Variants in CALD1 observed in about 807,000 individuals in gnomAD.
CALD1 encodes the protein caldesmon 1.
CALD1 carries 33 observed loss-of-function variants against 99.9 expected under a neutral mutation model. The ratio of observed to expected loss-of-function variants is 0.33; its 90% CI spans 0.25 to 0.44. The LOEUF (loss-of-function observed/expected upper bound fraction) is 0.44. Ranked by LOEUF, CALD1 falls within the 20% of genes least tolerant of loss-of-function variation. The probability of loss-of-function intolerance (pLI) is 1.00; values close to 1 mark genes in which losing one functional copy is unlikely to be tolerated. For synonymous variants in CALD1, 310 were observed against 325.0 expected, an observed-to-expected ratio of 0.95 and a Z score of 0.50; for missense variants, 861 against 962.1, an observed-to-expected ratio of 0.89 and a Z score of 1.39.
At chr7:134,789,546 C>G (rs891638752) in intron 1 of CALD1, among the ~76,000 whole-genome samples, 1 of 152,190 alleles carries the variant, frequency 6.6e-6, no homozygotes. Context: ...GTCACAACTA[C>G]TAGAAGTAAT....
chr7:134,798,683 A>C (rs2347898), intron 1 of CALD1, among the ~76,000 whole-genome samples: 12,023 of 152,326 alleles, frequency 0.079, 627 homozygotes, highest in Non-Finnish European at 0.11. Flanking sequence ...GAAATTATAA[A>C]GGAGATTGCT....
chr7:134,918,108 G>C (rs1804348977), intron 3 of CALD1, among the ~76,000 whole-genome samples: 1 of 152,216 alleles, frequency 6.6e-6, no homozygotes, highest in Non-Finnish European at 1.5e-5. Context: ...TTAGGAAACT[G>C]TCATGGACTT....
intron 1 of CALD1, among the ~76,000 whole-genome samples, chr7:134,767,310 A>C (rs1245387365): frequency 6.6e-6 from 1 of 152,036 alleles, no homozygotes; most frequent in Non-Finnish European, 1.5e-5. Flanking sequence ...CTTAGTCCAA[A>C]CAGCCATTTC....
intron 7 of CALD1, among the ~76,000 whole-genome samples, chr7:134,942,966 C>T (rs1258787024): frequency 6.6e-6 from 1 of 152,032 alleles, no homozygotes; most frequent in Non-Finnish European, 1.5e-5. Flanking sequence ...GTGCTAAGAA[C>T]ACTTACGTGT....
chr7:134,932,147 G>A (rs1805568143), intron 4 of CALD1, among the ~76,000 whole-genome samples: 1 of 152,140 alleles, frequency 6.6e-6, no homozygotes, highest in Admixed American at 6.5e-5. Flanking sequence ...GCAGTTATTG[G>A]TCACATGGCC....
chr7:134,756,332 T>C (rs1287016623), intron 1 of CALD1, among the ~76,000 whole-genome samples: 1 of 123,142 alleles, frequency 8.1e-6, no homozygotes, highest in Admixed American at 8.4e-5. Context: ...AATTCAAAAA[T>C]TAAATACTAT....
chr7:134,933,124 AAGG>A lies in CALD1; in HGVS notation c.358_360del (p.Glu120del). On this transcript the variant is annotated inframe_deletion, in exon 5 of 15. Coordinates refer to ENST00000361675, the MANE Select transcript of CALD1 (RefSeq NM_033138.4). Reference sequence around the variant, plus strand: ...CCTTCAGGAGGCTCTGGAGCGGCAGAAGGAGTTCGACCCAACAATAACAGATGC... The same window carrying A: ...CCTTCAGGAGGCTCTGGAGCGGCAGAAGTTCGACCCAACAATAACAGATGC... 6.2e-7 allele frequency: 1 copy of A among 1,614,002 alleles called. No homozygotes were observed. Among genetic ancestry groups the A allele is most frequent in the Non-Finnish European group, 8.5e-7 (1 of 1,180,008 alleles).
At position 134,958,244 on chromosome 7, in the gene CALD1, T is replaced by C. The variant is rs1380445627; in HGVS notation, c.2015T>C (p.Val672Ala). The C allele has an allele frequency of 2.5e-6, 4 of 1,613,932 alleles. No homozygotes were observed. In the Admixed American group the frequency reaches 6.7e-5, roughly 27 times the overall value. The change falls in exon 11 of 15, where the codon GTC becomes GCC. Residue 672 changes from valine to alanine, a missense_variant. Val to Ala is a moderately conservative substitution (Grantham distance 64). Coordinates refer to ENST00000361675, the MANE Select transcript of CALD1 (RefSeq NM_033138.4). ...GVKSTHQAAI[V>A]SKIDSRLEQY... ...AAATCGACCCATCAAGCAGCAATAG[T>C]CTCCAAGATTGACAGCAGACTGGAG...
intron 1 of CALD1, among the ~76,000 whole-genome samples, chr7:134,831,475 C>T (rs1406665958): frequency 1.3e-5 from 2 of 151,974 alleles, no homozygotes; most frequent in Admixed American, 6.6e-5. Flanking sequence ...CCCACCACAA[C>T]GCCTGGCTAA....
At chr7:134,891,622 T>C (rs1478353832) in intron 3 of CALD1, 1 of 1,609,500 alleles carries the variant, frequency 6.2e-7, no homozygotes, top group Non-Finnish European at 8.5e-7. Flanking sequence ...ACTGCGGACA[T>C]GCTGGGTGGA....
At chr7:134,850,411 T>C (rs1021705839) in intron 2 of CALD1, among the ~76,000 whole-genome samples, 1 of 152,208 alleles carries the variant, frequency 6.6e-6, no homozygotes, top group East Asian at 1.9e-4. Flanking sequence ...AGACCCCAGC[T>C]CTACCACTTA....
At chr7:134,898,719 G>A (rs865910482) in intron 3 of CALD1, among the ~76,000 whole-genome samples, 4 of 152,094 alleles carry the variant, frequency 2.6e-5, no homozygotes, top group Middle Eastern at 3.4e-3. Flanking sequence ...GATTGCAGGC[G>A]TGATTTTTGT....
At position 134,933,119 on chromosome 7, in the gene CALD1, G is replaced by A. The variant is rs190269973; in HGVS notation, c.350G>A (p.Arg117Gln). Reference protein sequence around the residue: ...RQKRLQEALERQKEFDPTITD... With the variant: ...RQKRLQEALEQQKEFDPTITD... ...AAACGCCTTCAGGAGGCTCTGGAGCGGCAGAAGGAGTTCGACCCAACAATA... is the reference window on the plus strand; with the variant it reads ...AAACGCCTTCAGGAGGCTCTGGAGCAGCAGAAGGAGTTCGACCCAACAATA... The change falls in exon 5 of 15, where the codon CGG becomes CAG. Residue 117 changes from arginine (R) to glutamine (Q), a missense_variant. Coordinates refer to ENST00000361675, the MANE Select transcript of CALD1 (RefSeq NM_033138.4). The A allele has an allele frequency of 1.9e-5, 30 of 1,613,848 alleles. No homozygotes were observed. Among genetic ancestry groups the A allele is most frequent in the Middle Eastern group, 1.6e-4 (1 of 6,062 alleles).
chr7:134,904,346 C>T (rs1803214741), intron 3 of CALD1, among the ~76,000 whole-genome samples: 1 of 151,520 alleles, frequency 6.6e-6, no homozygotes, highest in Non-Finnish European at 1.5e-5. Context: ...TTTGAGAGGT[C>T]GAGGTGGGAG....
chr7:134,814,468 T>G (rs1321113361), intron 1 of CALD1, among the ~76,000 whole-genome samples: 1 of 152,156 alleles, frequency 6.6e-6, no homozygotes, highest in Non-Finnish European at 1.5e-5. Context: ...TGGTCTCTCA[T>G]GAAGAGTGTA....
At chr7:134,814,808 T>C (rs1371465761) in intron 1 of CALD1, among the ~76,000 whole-genome samples, 1 of 152,204 alleles carries the variant, frequency 6.6e-6, no homozygotes, top group Non-Finnish European at 1.5e-5. Context: ...TGTTGACTCC[T>C]GGAATTAACA....
chr7:134,825,817 T>C (rs941189009), intron 1 of CALD1, among the ~76,000 whole-genome samples: 4 of 152,252 alleles, frequency 2.6e-5, no homozygotes, highest in African/African-American at 7.2e-5. Context: ...GCTCAGGGCA[T>C]TGCAACTGAG....
chr7:134,719,570 C>T, the CALD1 span, among the ~76,000 whole-genome samples: 1 of 152,128 alleles, frequency 6.6e-6, no homozygotes. Flanking sequence ...CAGAGAACAG[C>T]GTCCAGGGAA....
the CALD1 span, among the ~76,000 whole-genome samples, chr7:134,716,158 A>T: frequency 6.6e-6 from 1 of 152,200 alleles, no homozygotes; most frequent in Admixed American, 6.5e-5. Context: ...ACGGAATATG[A>T]ACTAAAATTA....
Sources: allele counts gnomAD v4.1 joint callset (sites outside exome capture counted in the v4.1 genomes callset), GRCh38; gene constraint gnomAD v4.1.1; transcripts MANE v1.5; gene names NCBI Gene and HGNC (gene_info 2026-07-23, HGNC 2026-07-21).